Variants in NANOG observed in about 807,000 individuals in gnomAD.
The protein encoded by NANOG is homeobox protein NANOG.
In NANOG, 2 loss-of-function variants were observed where a neutral mutation model predicts 17.7. The observed-to-expected ratio is 0.11, with a 90% CI of 0.05 to 0.36. NANOG has a LOEUF of 0.36. NANOG is among the 10% of genes least tolerant of loss of function. The pLI is 1.00. For missense variants in NANOG, 174 were observed against 362.1 expected, an observed-to-expected ratio of 0.48 and a Z score of 4.22; for synonymous variants, 81 against 124.7, an observed-to-expected ratio of 0.65 and a Z score of 2.33.
chr12:7,795,047 G>A lies in NANOG; in HGVS notation c.870G>A (p.Met290Ile). The A allele has an allele frequency of 1.5e-6, 2 of 1,320,254 alleles. No individual in the cohort carries two copies. Among genetic ancestry groups the A allele is most frequent in the Non-Finnish European group, 2.2e-6 (2 of 927,742 alleles). The allele number at this position is 1,320,254 out of a possible 1,614,324, so 81.8% of individuals were successfully genotyped here. A position where few individuals can be genotyped will look rare whatever the true frequency, so the allele number is the denominator to read the frequency against. ...GGTATTTTAGTACTCCACAAACCAT[G>A]GATTTATTCCTAAACTACTCCATGA... ...TTRYFSTPQT[M>I]DLFLNYSMNM... The change falls in exon 4 of 4, where the codon ATG becomes ATA. Residue 290 changes from methionine (M) to isoleucine (I), a missense_variant. This residue lies in a region of NANOG where 16 missense variants were observed against 117.9 expected (regional missense o/e 0.14). Transcript: ENST00000229307.
At position 7,795,422 on chromosome 12, in the gene NANOG, C is replaced by T. The variant is rs1351116421; in HGVS notation, c.*327C>T. On this transcript the variant is annotated 3_prime_UTR_variant, in exon 4 of 4. Transcript: ENST00000229307. ...CTGCAAGCTCCGTCTCCCGGGTTCA[C>T]GCCATTCTCCTGCCTCAGCCTCCCG... 6.7e-5 allele frequency: 22 copies of T among 330,578 alleles called. No homozygotes were observed. Among genetic ancestry groups the T allele is most frequent in the Non-Finnish European group, 9.1e-5 (16 of 175,258 alleles). The allele number at this position is 330,578 out of a possible 1,614,324, so 20.5% of individuals were successfully genotyped here.
chr12:7,793,132 G>A lies in NANOG; in HGVS notation c.334G>A (p.Asp112Asn), dbSNP rs1444900069. 6.2e-7 allele frequency: 1 copy of A among 1,609,404 alleles called. No homozygotes were observed. The highest frequency in any genetic ancestry group is 1.3e-5 in the African/African-American group (1 of 74,980). Residue 112 changes from aspartate (D) to asparagine (N), a missense_variant, in exon 2 of 4, where the codon GAT becomes AAT. Transcript: ENST00000229307. Reference sequence around the variant, plus strand: ...TTCCACCCAGCTGTGTGTACTCAATGATAGATTTCAGAGACAGAAATACCT... The same window carrying A: ...TTCCACCCAGCTGTGTGTACTCAATAATAGATTTCAGAGACAGAAATACCT... ...FSSTQLCVLN[D>N]RFQRQKYLSL...
At chr12:7,791,510 A>T (rs948999517) in intron 1 of NANOG, among the ~76,000 whole-genome samples, 1 of 152,154 alleles carries the variant, frequency 6.6e-6, no homozygotes, top group Non-Finnish European at 1.5e-5. Context: ...ATTTTCCCCA[A>T]TTCTAATCAT....
intron 1 of NANOG, among the ~76,000 whole-genome samples, chr12:7,791,085 C>T (rs1592116670): frequency 6.7e-6 from 1 of 149,492 alleles, no homozygotes; most frequent in East Asian, 2.0e-4. Context: ...AATGTTCTTG[C>T]CTTTATAATT....
chr12:7,792,546 C>G (rs1862855444), intron 1 of NANOG, among the ~76,000 whole-genome samples: 1 of 152,134 alleles, frequency 6.6e-6, no homozygotes, highest in Non-Finnish European at 1.5e-5. Flanking sequence ...TGCCTGTAAT[C>G]CCAGCTACTC....
Position 7,793,141 on chromosome 12 carries a change from C to G in NANOG, c.343C>G (p.Gln115Glu), listed in dbSNP as rs1370550127. The change falls in exon 2 of 4, where the codon CAG becomes GAG. Residue 115 changes from glutamine to glutamate, a missense_variant. By Grantham distance (29) the Gln-to-Glu change is conservative. Coordinates refer to ENST00000229307, the MANE Select transcript of NANOG (RefSeq NM_024865.4). ...GCTGTGTGTACTCAATGATAGATTTCAGAGACAGAAATACCTCAGCCTCCA... is the reference window on the plus strand; with the variant it reads ...GCTGTGTGTACTCAATGATAGATTTGAGAGACAGAAATACCTCAGCCTCCA... ...TQLCVLNDRF[Q>E]RQKYLSLQQM... 2 of 1,609,334 alleles carry G rather than the reference C, an allele frequency of 1.2e-6. No homozygotes were observed. Among genetic ancestry groups the G allele is most frequent in the African/African-American group, 2.7e-5 (2 of 74,866 alleles).
chr12:7,791,885 A>G (rs1478210283), intron 1 of NANOG, among the ~76,000 whole-genome samples: 2 of 152,138 alleles, frequency 1.3e-5, no homozygotes, highest in Non-Finnish European at 2.9e-5. Flanking sequence ...AGAACTGGGC[A>G]GTCAGTTGCT....
rs370687941 is a variant in NANOG, at chr12:7,792,935, A to G, written c.152-15A>G. On this transcript the variant is annotated splice_polypyrimidine_tract_variant and intron_variant, in intron 1 of 3. Coordinates refer to ENST00000229307, the MANE Select transcript of NANOG (RefSeq NM_024865.4). ...AAATTTTAGACAAAAGTGTCCTTTT[A>G]TTTGTTCCCAACAGTCTCTCCTCTT... 1.3e-6 allele frequency: 2 copies of G among 1,571,834 alleles called. No homozygotes were observed. The highest frequency in any genetic ancestry group is 1.7e-6 in the Non-Finnish European group (2 of 1,162,302).
chr12:7,792,340 G>C (rs970148276), intron 1 of NANOG, among the ~76,000 whole-genome samples: 2 of 152,174 alleles, frequency 1.3e-5, no homozygotes, highest in African/African-American at 4.8e-5. Context: ...AACACCCAGT[G>C]TGGGAGCTTT....
Position 7,795,785 on chromosome 12 carries a change from C to T in NANOG, c.*690C>T, listed in dbSNP as rs1422370733. ...ATTCGTATTGTTTGGGATTGGGAGG[C>T]TTTGCTTATTTTTTAAAAACTATTG... On this transcript the variant is annotated 3_prime_UTR_variant, in exon 4 of 4. Coordinates refer to ENST00000229307, the MANE Select transcript of NANOG (RefSeq NM_024865.4). The T allele has an allele frequency of 6.2e-5, 9 of 145,404 alleles. No individual in the cohort carries two copies. The East Asian group carries it at 1.4e-3, about 22-fold the overall frequency. The allele number at this position is 145,404 out of a possible 1,614,324, so 9.0% of individuals were successfully genotyped here.
rs184727514 is a variant in NANOG at position 7,790,475 on chromosome 12, A to G, written c.151+710A>G. ...GTTTGGCTTCAAAACCTGTGCTAGT[A>G]CTCATGCTTCTGACTGGTAGCTGCA... On this transcript the variant is annotated intron_variant, in intron 1 of 3. Coordinates refer to ENST00000229307, the MANE Select transcript of NANOG (RefSeq NM_024865.4). Among the ~76,000 whole-genome samples the G allele has an allele frequency of 1.9e-3, 283 of 152,168 alleles. 1 individual carries two copies. Among genetic ancestry groups the G allele is most frequent in the African/African-American group, 5.7e-3 (238 of 41,506 alleles).
In NANOG at chr12:7,798,845, G is replaced by C. The variant is rs1862962120; in HGVS notation, c.*3750G>C. 1 of 132,410 alleles carries C rather than the reference G, an allele frequency of 7.6e-6. No homozygotes were observed. Among genetic ancestry groups the C allele is most frequent in the Non-Finnish European group, 1.6e-5 (1 of 62,974 alleles). 8.2% of individuals were successfully genotyped at this position (132,410 alleles called of 1,614,324 possible). Reference sequence around the variant, plus strand: ...CAGACAGAGGCAGGAAAGTGGGGGAGAGCCCTTGGTAAATATTGCATGCCT... The same window carrying C: ...CAGACAGAGGCAGGAAAGTGGGGGACAGCCCTTGGTAAATATTGCATGCCT... On this transcript the variant is annotated 3_prime_UTR_variant, in exon 4 of 4. Coordinates refer to ENST00000229307, the MANE Select transcript of NANOG (RefSeq NM_024865.4).
In NANOG at chr12:7,795,320, CTTTTTTT is replaced by C. The variant is rs878931413; in HGVS notation, c.*238_*244del. 8.0e-5 allele frequency: 16 copies of C among 200,686 alleles called. No individual in the cohort carries two copies. The highest frequency in any genetic ancestry group is 2.0e-3 in the Middle Eastern group (1 of 500). The allele number at this position is 200,686 out of a possible 1,614,324, so 12.4% of individuals were successfully genotyped here. On this transcript the variant is annotated 3_prime_UTR_variant, in exon 4 of 4. Transcript: ENST00000229307. The stretch of plus-strand genomic sequence containing the variant: ...CTATTGGATCTTCCTGGAGAAAATA[CTTTTTTT>C]TTTTTTTTTTTTGAAACGGAGTCTT...
At position 7,797,345 on chromosome 12, in the gene NANOG, CG is replaced by C. The variant is rs1565478941; in HGVS notation, c.*2251del. The C allele has an allele frequency of 7.2e-6, 1 of 139,012 alleles. No homozygotes were observed. Among genetic ancestry groups the C allele is most frequent in the Non-Finnish European group, 1.5e-5 (1 of 66,150 alleles). The allele number at this position is 139,012 out of a possible 1,614,324, so 8.6% of individuals were successfully genotyped here. On this transcript the variant is annotated 3_prime_UTR_variant, in exon 4 of 4. Coordinates refer to ENST00000229307, the MANE Select transcript of NANOG (RefSeq NM_024865.4). ...TGGTGGGATTATAGGTGTGAGCCACCGTGTCTGGGCAATTTTTTTTTTTTTT... is the reference window on the plus strand; with the variant it reads ...TGGTGGGATTATAGGTGTGAGCCACCTGTCTGGGCAATTTTTTTTTTTTTT...
intron 2 of NANOG, among the ~76,000 whole-genome samples, chr12:7,793,494 T>A (rs1314924694): frequency 6.6e-6 from 1 of 152,188 alleles, no homozygotes; most frequent in South Asian, 2.1e-4. Context: ...AGTATCTAAC[T>A]CCACTTACCA....
intron 1 of NANOG, among the ~76,000 whole-genome samples, chr12:7,792,652 G>C (rs1565476692): frequency 6.6e-6 from 1 of 151,842 alleles, no homozygotes; most frequent in Non-Finnish European, 1.5e-5. Context: ...CAACAAGAGT[G>C]AACCTCCATC....
At position 7,795,481 on chromosome 12, in the gene NANOG, C is replaced by A; in HGVS notation, c.*386C>A. On this transcript the variant is annotated 3_prime_UTR_variant, in exon 4 of 4. Transcript: ENST00000229307. ...GGACTACAGGCGCCCGCCACCTCGC[C>A]CGGCTAATATTTTGTATTTTTAGTA... 1 of 256,260 alleles carries A rather than the reference C, an allele frequency of 3.9e-6. No individual in the cohort carries two copies. The highest frequency in any genetic ancestry group is 7.5e-6 in the Non-Finnish European group (1 of 132,660). The allele number at this position is 256,260 out of a possible 1,614,324, so 15.9% of individuals were successfully genotyped here. A position where few individuals can be genotyped will look rare whatever the true frequency, so the allele number is the denominator to read the frequency against.
At chr12:7,789,982 T>C (rs1045530310) in intron 1 of NANOG, among the ~76,000 whole-genome samples, 1 of 152,128 alleles carries the variant, frequency 6.6e-6, no homozygotes, top group African/African-American at 2.4e-5. Context: ...TGCATTGAGT[T>C]GAAGGACACA....
intron 2 of NANOG, among the ~76,000 whole-genome samples, chr12:7,793,979 A>C (rs1164571844): frequency 6.6e-6 from 1 of 152,154 alleles, no homozygotes; most frequent in African/African-American, 2.4e-5. Flanking sequence ...TCCTGACCTC[A>C]AGTGATCCAC....
Sources: gnomAD v4.1 joint callset for allele counts (sites outside exome capture counted in the v4.1 genomes callset) on GRCh38, gnomAD v4.1.1 for gene constraint, gnomAD v4.1.1 regional missense constraint, MANE v1.5 for transcripts, NCBI Gene and HGNC (gene_info 2026-07-23, HGNC 2026-07-21) for gene names.